The following TCF7L2 variants were observed in gnomAD, a reference collection of about 807,000 sequenced individuals.
TCF7L2 encodes the protein transcription factor 7 like 2.
Under a neutral mutation model 77.9 loss-of-function variants are expected in TCF7L2, and 23 were observed. The observed-to-expected ratio is 0.30, with a 90% CI of 0.21 to 0.42. TCF7L2 has a LOEUF of 0.42. TCF7L2 is among the 10% of genes least tolerant of loss of function. The pLI, the probability that TCF7L2 is intolerant of heterozygous loss-of-function variation, is 1.00. For missense variants in TCF7L2, 654 were observed against 793.1 expected, an observed-to-expected ratio of 0.82 and a Z score of 2.11; for synonymous variants, 413 against 340.2, an observed-to-expected ratio of 1.21 and a Z score of -2.36.
At chr10:112,967,266 T>C (rs1358979148) in intron 4 of TCF7L2, among the ~76,000 whole-genome samples, 4 of 152,156 alleles carry the variant, frequency 2.6e-5, no homozygotes, top group African/African-American at 9.7e-5. Flanking sequence ...TGTTCAACCT[T>C]AATAAATACT....
At chr10:113,008,373 G>A (rs1246784700) in intron 4 of TCF7L2, among the ~76,000 whole-genome samples, 1 of 152,180 alleles carries the variant, frequency 6.6e-6, no homozygotes, top group Non-Finnish European at 1.5e-5. Flanking sequence ...AGTGCCCCCA[G>A]ATACACCTGT....
intron 4 of TCF7L2, among the ~76,000 whole-genome samples, chr10:112,991,853 C>T (rs947609385): frequency 1.8e-4 from 27 of 152,180 alleles, no homozygotes; most frequent in African/African-American, 6.3e-4. Context: ...TGGATTCTGC[C>T]TCTGATTCCT....
chr10:113,080,670 G>T (rs913961160), intron 5 of TCF7L2, among the ~76,000 whole-genome samples: 2 of 151,994 alleles, frequency 1.3e-5, no homozygotes, highest in African/African-American at 4.8e-5. Context: ...TTTCAATTTC[G>T]TACATTTTTA....
intron 4 of TCF7L2, among the ~76,000 whole-genome samples, chr10:113,010,815 A>T (rs1169007895): frequency 6.6e-6 from 1 of 152,168 alleles, no homozygotes; most frequent in African/African-American, 2.4e-5. Context: ...GGAGTTCCAG[A>T]CCAGCTTGGG....
intron 5 of TCF7L2, among the ~76,000 whole-genome samples, chr10:113,066,543 A>G (rs113884610): frequency 6.6e-6 from 1 of 152,192 alleles, no homozygotes; most frequent in Non-Finnish European, 1.5e-5. Flanking sequence ...ATATAATTTG[A>G]ATAAAAGCTG....
At chr10:113,060,932 C>T (rs2056338790) in intron 5 of TCF7L2, among the ~76,000 whole-genome samples, 1 of 152,122 alleles carries the variant, frequency 6.6e-6, no homozygotes, top group Non-Finnish European at 1.5e-5. Flanking sequence ...AACCCTATCA[C>T]ATCTAGGCAA....
intron 5 of TCF7L2, chr10:113,089,510 A>G (rs2060155011): frequency 6.2e-7 from 1 of 1,613,878 alleles, no homozygotes; most frequent in Non-Finnish European, 8.5e-7. Context: ...GCCACTCCTT[A>G]CAAAAAGTTG....
At chr10:112,961,819 T>G (rs2035310596) in intron 3 of TCF7L2, among the ~76,000 whole-genome samples, 1 of 138,958 alleles carries the variant, frequency 7.2e-6, no homozygotes, top group African/African-American at 2.7e-5. Flanking sequence ...GTGAGGGAAG[T>G]TACGTGGCTG....
chr10:112,970,641 G>T (rs1371206056), intron 4 of TCF7L2, among the ~76,000 whole-genome samples: 1 of 152,024 alleles, frequency 6.6e-6, no homozygotes, highest in East Asian at 1.9e-4. Flanking sequence ...CAGCGGACTG[G>T]CCCAGCATTG....
At chr10:113,153,821 A>G (rs1030798023) in intron 11 of TCF7L2, among the ~76,000 whole-genome samples, 5 of 152,220 alleles carry the variant, frequency 3.3e-5, no homozygotes, top group East Asian at 1.9e-4. Context: ...CTGCCGGCCT[A>G]TGTGATCCTG....
intron 3 of TCF7L2, among the ~76,000 whole-genome samples, chr10:112,961,417 C>G (rs1375997528): frequency 6.6e-6 from 1 of 152,142 alleles, no homozygotes; most frequent in Non-Finnish European, 1.5e-5. Flanking sequence ...GGCCTACCAT[C>G]TTTTATTCTT....
intron 4 of TCF7L2, among the ~76,000 whole-genome samples, chr10:113,021,831 G>A (rs1348886239): frequency 6.6e-6 from 1 of 152,190 alleles, no homozygotes; most frequent in Non-Finnish European, 1.5e-5. Context: ...GGCCAGTGCA[G>A]GAGGAGGAAA....
chr10:112,982,386 T>TC (rs2040635049), intron 4 of TCF7L2, among the ~76,000 whole-genome samples: 1 of 152,224 alleles, frequency 6.6e-6, no homozygotes, highest in African/African-American at 2.4e-5. Flanking sequence ...CCTAGTCCAG[T>TC]ACCTGGCACA....
At chr10:113,028,547 A>T (rs1042130596) in intron 4 of TCF7L2, among the ~76,000 whole-genome samples, 8 of 152,040 alleles carry the variant, frequency 5.3e-5, no homozygotes, top group African/African-American at 1.9e-4. Context: ...TGACAAGGGG[A>T]AAAAAAACAA....
chr10:113,027,131 C>T (rs928124499), intron 4 of TCF7L2, among the ~76,000 whole-genome samples: 2 of 152,190 alleles, frequency 1.3e-5, no homozygotes, highest in African/African-American at 2.4e-5. Flanking sequence ...ACTAATTCAA[C>T]TGGTTTTTCT....
chr10:113,074,188 A>G (rs950111308), intron 5 of TCF7L2, among the ~76,000 whole-genome samples: 2 of 152,156 alleles, frequency 1.3e-5, no homozygotes, highest in Non-Finnish European at 2.9e-5. Flanking sequence ...CTTTATGCAG[A>G]ACATTCTGGA....
intron 4 of TCF7L2, among the ~76,000 whole-genome samples, chr10:112,983,765 GTATGGGA>G: frequency 6.6e-6 from 1 of 152,316 alleles, no homozygotes; most frequent in East Asian, 1.9e-4. Context: ...TGCCTGTGTC[GTATGGGA>G]GAAGGCACTG....
chr10:113,165,008 C>T lies in TCF7L2; in HGVS notation c.1392-547C>T, dbSNP rs181966863. The stretch of plus-strand genomic sequence containing the variant: ...GCATTTTGAGAGTTTCATATTGATA[C>T]GAGGCGGCTGGGGAAGGAGCTCTGT... On this transcript the variant is annotated intron_variant, in intron 13 of 13. Coordinates refer to ENST00000627217, the MANE Select transcript of TCF7L2 (RefSeq NM_001146274.2). 1.6e-3 allele frequency among the ~76,000 whole-genome samples: 241 copies of T among 152,166 alleles called. 2 individuals carry two copies. In the South Asian group the frequency reaches 0.019, roughly 12 times the overall value.
At chr10:112,980,607 G>T (rs2040289820) in intron 4 of TCF7L2, among the ~76,000 whole-genome samples, 1 of 151,716 alleles carries the variant, frequency 6.6e-6, no homozygotes, top group South Asian at 2.1e-4. Context: ...TTTTATTCTG[G>T]AATCCAGCGG....
Sources: gnomAD v4.1 joint callset for allele counts (sites outside exome capture counted in the v4.1 genomes callset) on GRCh38, gnomAD v4.1.1 for gene constraint, MANE v1.5 for transcripts, NCBI Gene and HGNC (gene_info 2026-07-23, HGNC 2026-07-21) for gene names.